The following TMEM132B variants were observed in gnomAD, a reference collection of about 807,000 sequenced individuals.
The protein encoded by TMEM132B is transmembrane protein 132B.
TMEM132B carries 18 observed loss-of-function variants against 90.8 expected under a neutral mutation model. The ratio of observed to expected loss-of-function variants is 0.20; its 90% CI spans 0.14 to 0.29. The LOEUF is 0.29. Among genes scored for constraint, TMEM132B ranks in the 10% least tolerant of loss-of-function variants. The pLI is 1.00. For missense variants in TMEM132B, 1,096 were observed against 1,326.8 expected (o/e 0.83, Z 2.70); for synonymous variants, 504 against 523.3 (o/e 0.96, Z 0.50).
intron 5 of TMEM132B, among the ~76,000 whole-genome samples, chr12:125,595,833 C>G (rs1377687358): frequency 6.6e-6 from 1 of 151,324 alleles, no homozygotes; most frequent in East Asian, 1.9e-4. Flanking sequence ...TTGAACCCAG[C>G]CCCATTGGAG....
rs530523193 is a variant in TMEM132B at position 125,284,022 on chromosome 12, C to T, written c.68-65430C>T. The stretch of plus-strand genomic sequence containing the variant: ...CTTGGTTTACCTTTGTTACCCCACT[C>T]AGTTCTACCCCAGGATGGCCAGAGG... On this transcript the variant is annotated intron_variant, in intron 1 of 8. Coordinates refer to ENST00000682704, the MANE Select transcript of TMEM132B (RefSeq NM_001366854.1). Among the ~76,000 whole-genome samples the T allele has an allele frequency of 3.3e-5, 5 of 152,348 alleles. No individual in the cohort carries two copies. The South Asian group carries it at 1.0e-3, about 32-fold the overall frequency.
intron 4 of TMEM132B, among the ~76,000 whole-genome samples, chr12:125,522,825 T>C (rs574136138): frequency 1.4e-4 from 21 of 152,318 alleles, no homozygotes; most frequent in African/African-American, 4.1e-4. Context: ...GTCTCTCCAG[T>C]ATGTTCTACT....
chr12:125,267,971 TA>T, intron 1 of TMEM132B, among the ~76,000 whole-genome samples: 1 of 152,108 alleles, frequency 6.6e-6, no homozygotes, highest in Non-Finnish European at 1.5e-5. Flanking sequence ...CCAGGTGAGG[TA>T]GTGCCTGCAC....
At chr12:125,640,679 G>A (rs866933359) in intron 5 of TMEM132B, among the ~76,000 whole-genome samples, 10 of 144,568 alleles carry the variant, frequency 6.9e-5, no homozygotes, top group African/African-American at 1.2e-4. Context: ...GTCAGGTGCC[G>A]GCTCACACAC....
At chr12:125,298,198 C>T (rs532208176) in intron 1 of TMEM132B, among the ~76,000 whole-genome samples, 1 of 152,210 alleles carries the variant, frequency 6.6e-6, no homozygotes, top group South Asian at 2.1e-4. Context: ...TGCAGTGAGC[C>T]ATGATTGCGC....
At chr12:125,341,238 C>A (rs957194989) in intron 1 of TMEM132B, among the ~76,000 whole-genome samples, 1 of 152,178 alleles carries the variant, frequency 6.6e-6, no homozygotes, top group Non-Finnish European at 1.5e-5. Context: ...TGATCTTAGG[C>A]AAGTCACATA....
At chr12:125,212,324 C>T (rs1248591146) in intron 1 of TMEM132B, among the ~76,000 whole-genome samples, 2 of 101,374 alleles carry the variant, frequency 2.0e-5, no homozygotes, top group Admixed American at 2.1e-4. Context: ...TAGTCGCTCA[C>T]ATATTAATAA....
At chr12:125,192,257 A>G (rs1287394881) in intron 1 of TMEM132B, among the ~76,000 whole-genome samples, 1 of 152,218 alleles carries the variant, frequency 6.6e-6, no homozygotes, top group African/African-American at 2.4e-5. Context: ...TTGCAAAGTC[A>G]CACAGCCAAT....
chr12:125,207,780 T>C lies in TMEM132B; in HGVS notation c.67+20914T>C, dbSNP rs142431298. On this transcript the variant is annotated intron_variant, in intron 1 of 8. Coordinates refer to ENST00000682704, the MANE Select transcript of TMEM132B (RefSeq NM_001366854.1). ...TCCCCAGGCCTCCACCATCTTTCTGTCTCTATTCATTTGAATATAAGTAGA... is the reference window on the plus strand; with the variant it reads ...TCCCCAGGCCTCCACCATCTTTCTGCCTCTATTCATTTGAATATAAGTAGA... Among the ~76,000 whole-genome samples, 440 of 152,318 alleles carry C rather than the reference T, an allele frequency of 2.9e-3. 1 individual carries two copies. The highest frequency in any genetic ancestry group is 0.01 in the African/African-American group (426 of 41,562).
intron 3 of TMEM132B, among the ~76,000 whole-genome samples, chr12:125,479,976 A>G (rs546336339): frequency 6.6e-6 from 1 of 152,336 alleles, no homozygotes; most frequent in South Asian, 2.1e-4. Flanking sequence ...GCACAACTAC[A>G]TGGAAACTGA....
intron 1 of TMEM132B, among the ~76,000 whole-genome samples, chr12:125,318,733 A>G (rs145750105): frequency 0.14 from 21,496 of 152,110 alleles, 1,740 homozygotes; most frequent in Middle Eastern, 0.18. Context: ...CATGGTGTGT[A>G]TGTACCACAT....
At chr12:125,398,057 A>T (rs914883824) in intron 2 of TMEM132B, among the ~76,000 whole-genome samples, 5 of 152,284 alleles carry the variant, frequency 3.3e-5, no homozygotes, top group Non-Finnish European at 5.9e-5. Context: ...CTTGGAAAAG[A>T]TATCATCGGC....
At chr12:125,502,000 A>G (rs933061338) in intron 3 of TMEM132B, among the ~76,000 whole-genome samples, 2 of 152,326 alleles carry the variant, frequency 1.3e-5, no homozygotes, top group Non-Finnish European at 2.9e-5. Context: ...GTGTATCTGC[A>G]TGAGTGTGTG....
At position 125,458,663 on chromosome 12, in the gene TMEM132B, C is replaced by A. The variant is rs537012115; in HGVS notation, c.1106+42986C>A. On this transcript the variant is annotated intron_variant, in intron 3 of 8. Coordinates refer to ENST00000682704, the MANE Select transcript of TMEM132B (RefSeq NM_001366854.1). The surrounding 1 kb of genome is among the most constrained non-coding windows in gnomAD (Gnocchi z 4.9). ...ACATCCATGCGGCCAGCGTCCGTGT[C>A]CCCTGCCTCTGAGAATGGCCAGGGC... Among the ~76,000 whole-genome samples, 2 of 152,292 alleles carry A rather than the reference C, an allele frequency of 1.3e-5. No individual in the cohort carries two copies. Among genetic ancestry groups the A allele is most frequent in the East Asian group, 3.9e-4 (2 of 5,170 alleles).
Position 125,280,696 on chromosome 12 carries a change from C to A in TMEM132B, c.68-68756C>A, listed in dbSNP as rs183409875. Among the ~76,000 whole-genome samples the A allele has an allele frequency of 1.6e-3, 242 of 152,332 alleles. 2 individuals carry two copies. Among genetic ancestry groups the A allele is most frequent in the African/African-American group, 5.7e-3 (236 of 41,574 alleles). On this transcript the variant is annotated intron_variant, in intron 1 of 8. Coordinates refer to ENST00000682704, the MANE Select transcript of TMEM132B (RefSeq NM_001366854.1). Reference sequence around the variant, plus strand: ...GGCCAGAGTAGTCACATGACCCCACCCAGGCACTGGGAAGCCAGGAAGTGA... The same window carrying A: ...GGCCAGAGTAGTCACATGACCCCACACAGGCACTGGGAAGCCAGGAAGTGA...
chr12:125,455,175 G>A (rs944900508), intron 3 of TMEM132B, among the ~76,000 whole-genome samples: 3 of 152,048 alleles, frequency 2.0e-5, no homozygotes, highest in African/African-American at 7.2e-5. Context: ...GGAACAATGG[G>A]GTGGAGGAAA....
chr12:125,550,007 G>A (rs1189899450), intron 4 of TMEM132B, among the ~76,000 whole-genome samples: 2 of 152,160 alleles, frequency 1.3e-5, no homozygotes, highest in Non-Finnish European at 2.9e-5. Flanking sequence ...TTGTCAGCTG[G>A]TGCAGTACTG....
intron 1 of TMEM132B, among the ~76,000 whole-genome samples, chr12:125,241,549 TTCCTC>T (rs1874068220): frequency 6.6e-6 from 1 of 152,202 alleles, no homozygotes; most frequent in African/African-American, 2.4e-5. Context: ...GATTCCCTCT[TTCCTC>T]TCACTCTCCT....
chr12:125,634,298 C>A (rs1399728631), intron 5 of TMEM132B, among the ~76,000 whole-genome samples: 2 of 152,164 alleles, frequency 1.3e-5, no homozygotes, highest in Admixed American at 6.5e-5. Context: ...TGAAGGCTAC[C>A]CGGCCTGAGA....
Sources: gnomAD v4.1 joint callset for allele counts (sites outside exome capture counted in the v4.1 genomes callset) on GRCh38, gnomAD v4.1.1 for gene constraint, Gnocchi (gnomAD v3.1) non-coding constraint, MANE v1.5 for transcripts, NCBI Gene and HGNC (gene_info 2026-07-23, HGNC 2026-07-21) for gene names.